The following NCOR1 variants were observed in gnomAD, a reference collection of about 807,000 sequenced individuals.
The protein encoded by NCOR1 is nuclear receptor corepressor 1.
Under a neutral mutation model 288.1 loss-of-function variants are expected in NCOR1, and 63 were observed. That is an observed-to-expected ratio of 0.22 (90% CI 0.18 to 0.27). The LOEUF (loss-of-function observed/expected upper bound fraction) is 0.27, where lower values mean the gene tolerates loss of function less well. Among genes scored for constraint, NCOR1 ranks in the 10% least tolerant of loss-of-function variants. The pLI is 1.00. For missense variants in NCOR1, 2,397 were observed against 3,019.2 expected (o/e 0.79, Z 4.83); for synonymous variants, 1,007 against 1,065.9 (o/e 0.94, Z 1.08).
In NCOR1 at chr17:16,075,658, C is replaced by A. The variant is rs2062353154; in HGVS notation, c.3546G>T (p.Leu1182Phe). ...GCATTCTCGAAATGGACCCCTTCAC[C>A]AAAGCCTCTGTTGGTATGCCAGTCT... The part of the protein sequence containing the change: ...LPQTGIPTEA[L>F]VKGSISRMPI... Residue 1182 changes from leucine to phenylalanine, a missense_variant, in exon 27 of 46, where the codon TTG (leucine) becomes TTT (phenylalanine). Leu to Phe is a conservative substitution (Grantham distance 22, BLOSUM62 0). Around this residue, in one of 11 missense-constraint regions of NCOR1, gnomAD observed 1,872 missense variants for 2,187.8 expected, o/e 0.86. Transcript: ENST00000268712. The A allele has an allele frequency of 6.2e-7, 1 of 1,614,078 alleles. No homozygotes were observed. Among genetic ancestry groups the A allele is most frequent in the African/African-American group, 1.3e-5 (1 of 74,930 alleles).
chr17:16,109,221 G>A (rs1280193735), intron 18 of NCOR1, among the ~76,000 whole-genome samples: 4 of 151,792 alleles, frequency 2.6e-5, no homozygotes, highest in Non-Finnish European at 5.9e-5. Context: ...ACTCACTCCA[G>A]ATAATGTTAT....
chr17:16,040,376 T>C lies in NCOR1; in HGVS notation c.6733+65A>G, dbSNP rs373999358. On this transcript the variant is annotated intron_variant, in intron 43 of 45. Coordinates refer to ENST00000268712, the MANE Select transcript of NCOR1 (RefSeq NM_006311.4). ...TGGTATACAGTTGGTACTCAGTACA[T>C]ATTTGTTGGACTGACTACTGCTGTG... 8 of 1,304,302 alleles carry C rather than the reference T, an allele frequency of 6.1e-6. No homozygotes were observed. The African/African-American group carries it at 1.0e-4, about 17-fold the overall frequency. 80.8% of individuals were successfully genotyped at this position (1,304,302 alleles called of 1,614,324 possible). A position where few individuals can be genotyped will look rare whatever the true frequency, so the allele number is the denominator to read the frequency against.
At chr17:16,207,524 G>C (rs1197534106) in intron 1 of NCOR1, among the ~76,000 whole-genome samples, 1 of 152,036 alleles carries the variant, frequency 6.6e-6, no homozygotes, top group Non-Finnish European at 1.5e-5. Flanking sequence ...GGCGGATCAC[G>C]AGGTCAGGAG....
chr17:16,206,070 C>T (rs1480754128), intron 1 of NCOR1, among the ~76,000 whole-genome samples: 1 of 151,546 alleles, frequency 6.6e-6, no homozygotes, highest in Non-Finnish European at 1.5e-5. Flanking sequence ...ATGTTTTAAA[C>T]TGTAATATCT....
intron 30 of NCOR1, 57 bp from the exon 31 acceptor site, chr17:16,070,582 C>G: frequency 2.3e-5 from 37 of 1,575,338 alleles, no homozygotes; most frequent in Non-Finnish European, 3.2e-5. Context: ...ACTTTTCTAT[C>G]TCAGGTCTAT....
chr17:16,055,888 G>A (rs181204033), intron 40 of NCOR1, among the ~76,000 whole-genome samples: 26 of 152,154 alleles, frequency 1.7e-4, no homozygotes, highest in African/African-American at 6.0e-4. Flanking sequence ...ATCCAGCTGC[G>A]TCTAATGACT....
At chr17:16,126,285 C>T (rs1190969309) in intron 14 of NCOR1, 79 bp from the exon 15 acceptor site, 1 of 1,371,934 alleles carries the variant, frequency 7.3e-7, no homozygotes, top group Non-Finnish European at 9.6e-7. Context: ...TTATGTCTAT[C>T]TAAAAAAATT....
At chr17:16,043,334 T>A (rs2152096134) in intron 42 of NCOR1, among the ~76,000 whole-genome samples, 1 of 152,338 alleles carries the variant, frequency 6.6e-6, no homozygotes, top group South Asian at 2.1e-4. Context: ...AAATGTGCCA[T>A]GGTGGGCCCA....
At chr17:16,058,933 C>T (rs147504236) in intron 37 of NCOR1, among the ~76,000 whole-genome samples, 10 of 151,448 alleles carry the variant, frequency 6.6e-5, no homozygotes, top group African/African-American at 2.4e-4. Flanking sequence ...CCTGTAATCC[C>T]AGCTACTCGG....
chr17:16,191,435 T>TA lies in NCOR1; in HGVS notation c.108+3026dup, dbSNP rs1169820452. On this transcript the variant is annotated intron_variant, in intron 2 of 45. Coordinates refer to ENST00000268712, the MANE Select transcript of NCOR1 (RefSeq NM_006311.4). ...ACAGGAATATAACAAAGGCCAGCAG[T>TA]AAAAAAAGTATGAAACTCACAATGT... Among the ~76,000 whole-genome samples the TA allele has an allele frequency of 2.2e-4, 33 of 151,884 alleles. No homozygotes were observed. In the East Asian group the frequency reaches 5.2e-3, roughly 24 times the overall value.
At chr17:16,102,523 A>G (rs760985891) in intron 19 of NCOR1, among the ~76,000 whole-genome samples, 19 of 152,180 alleles carry the variant, frequency 1.2e-4, no homozygotes, top group Admixed American at 4.6e-4. Flanking sequence ...GCAAAAAATC[A>G]TAAGATTATT....
chr17:16,097,222 A>C lies in NCOR1; in HGVS notation c.2820+1145T>G, dbSNP rs572410392. On this transcript the variant is annotated intron_variant, in intron 21 of 45. Transcript: ENST00000268712. The stretch of plus-strand genomic sequence containing the variant: ...CCTCAGGATAAGGGCTGACAGCCCA[A>C]AAAACCACAAGGCAGGAGGCTAGAA... Among the ~76,000 whole-genome samples, 10 of 152,356 alleles carry C rather than the reference A, an allele frequency of 6.6e-5. No individual in the cohort carries two copies. In the South Asian group the frequency reaches 1.9e-3, roughly 28 times the overall value.
Position 16,158,832 on chromosome 17 carries a change from C to T in NCOR1, c.660G>A (p.Glu220=), listed in dbSNP as rs1255410638. ...EEEAAKPPEP[E]KPVSPPPVEQ... Reference sequence around the variant, plus strand: ...CCACAGGAGGAGGGGACACGGGCTTCTCAGGCTCAGGAGGTTTAGCTGCCT... The same window carrying T: ...CCACAGGAGGAGGGGACACGGGCTTTTCAGGCTCAGGAGGTTTAGCTGCCT... Residue 220 remains glutamate (E), a synonymous_variant, in exon 6 of 46, where the codon GAG becomes GAA. Coordinates refer to ENST00000268712, the MANE Select transcript of NCOR1 (RefSeq NM_006311.4). 1 of 1,614,072 alleles carries T rather than the reference C, an allele frequency of 6.2e-7. No individual in the cohort carries two copies. Among genetic ancestry groups the T allele is most frequent in the South Asian group, 1.1e-5 (1 of 91,078 alleles).
At chr17:16,081,800 A>G (rs967706924) in intron 23 of NCOR1, among the ~76,000 whole-genome samples, 2 of 152,346 alleles carry the variant, frequency 1.3e-5, no homozygotes, top group Non-Finnish European at 2.9e-5. Context: ...TTAAAAGGAA[A>G]AGCCAGGGAA....
At chr17:16,058,694 C>A (rs2060205638) in intron 37 of NCOR1, 95 bp from the exon 38 acceptor site, 2 of 1,256,726 alleles carry the variant, frequency 1.6e-6, no homozygotes, top group South Asian at 3.1e-5. Flanking sequence ...CAATTCTGAT[C>A]CACCATGTTC....
intron 1 of NCOR1, among the ~76,000 whole-genome samples, chr17:16,198,973 C>T (rs549273628): frequency 1.9e-4 from 29 of 151,968 alleles, no homozygotes; most frequent in African/African-American, 6.5e-4. Flanking sequence ...CCATGAGGTA[C>T]AATTTTTTAA....
At chr17:16,189,523 G>A (rs1308449532) in intron 2 of NCOR1, among the ~76,000 whole-genome samples, 3 of 152,168 alleles carry the variant, frequency 2.0e-5, no homozygotes, top group African/African-American at 7.2e-5. Flanking sequence ...AATTCTCTCA[G>A]TACCCAGTAA....
intron 21 of NCOR1, among the ~76,000 whole-genome samples, chr17:16,093,917 C>CTT (rs951663007): frequency 6.6e-6 from 1 of 151,318 alleles, no homozygotes; most frequent in Non-Finnish European, 1.5e-5. Flanking sequence ...TTTTTAATGC[C>CTT]TTTTTTTTGA....
intron 4 of NCOR1, among the ~76,000 whole-genome samples, chr17:16,166,145 G>A (rs2081964833): frequency 6.6e-6 from 1 of 152,142 alleles, no homozygotes; most frequent in Non-Finnish European, 1.5e-5. Flanking sequence ...GAATCTAAGA[G>A]GCCTTCTGGG....
Sources: gnomAD v4.1 joint callset for allele counts (sites outside exome capture counted in the v4.1 genomes callset) on GRCh38, gnomAD v4.1.1 for gene constraint, gnomAD v4.1.1 regional missense constraint, MANE v1.5 for transcripts, NCBI Gene and HGNC (gene_info 2026-07-23, HGNC 2026-07-21) for gene names.